The following GRM3 variants were observed in gnomAD, a reference collection of about 807,000 sequenced individuals.
GRM3 encodes metabotropic glutamate receptor 3.
In GRM3, 26 loss-of-function variants were observed where a neutral mutation model predicts 70.5. The ratio of observed to expected loss-of-function variants is 0.37; its 90% CI spans 0.27 to 0.51. The LOEUF is 0.51. Ranked by LOEUF, GRM3 falls within the 20% of genes least tolerant of loss-of-function variation. The pLI, the probability that GRM3 is intolerant of heterozygous loss-of-function variation, is 0.93. For synonymous variants in GRM3, 443 were observed against 434.9 expected (o/e 1.02, Z -0.23); for missense variants, 859 against 1,123.8 (o/e 0.76, Z 3.37).
At chr7:86,851,668 C>T (rs1205149585) in intron 5 of GRM3, among the ~76,000 whole-genome samples, 1 of 152,076 alleles carries the variant, frequency 6.6e-6, no homozygotes, top group Non-Finnish European at 1.5e-5. Flanking sequence ...GGCAGCCCTT[C>T]CCCCAGGAAA....
intron 1 of GRM3, among the ~76,000 whole-genome samples, chr7:86,759,780 G>T: frequency 6.6e-6 from 1 of 152,114 alleles, no homozygotes; most frequent in Admixed American, 6.6e-5. Flanking sequence ...TACTAAAAAT[G>T]ATTGGGTTTG....
chr7:86,811,934 T>C (rs1194761597), intron 3 of GRM3, among the ~76,000 whole-genome samples: 1 of 151,462 alleles, frequency 6.6e-6, no homozygotes, highest in Non-Finnish European at 1.5e-5. Flanking sequence ...AATAGATTTA[T>C]AATTATCTGT....
At chr7:86,802,854 G>C (rs1797712384) in intron 3 of GRM3, among the ~76,000 whole-genome samples, 1 of 152,208 alleles carries the variant, frequency 6.6e-6, no homozygotes. Flanking sequence ...TGTTATTAAG[G>C]GGTGGTAGTA....
At chr7:86,675,339 TAA>T (rs998553973) in intron 1 of GRM3, among the ~76,000 whole-genome samples, 77 of 152,228 alleles carry the variant, frequency 5.1e-4, no homozygotes, top group African/African-American at 1.8e-3. Context: ...GCTTAAGTTA[TAA>T]GTCTTTAAGG....
chr7:86,714,337 A>G (rs1795268273), intron 1 of GRM3, among the ~76,000 whole-genome samples: 1 of 152,000 alleles, frequency 6.6e-6, no homozygotes, highest in South Asian at 2.1e-4. Context: ...TGCCTTAGTC[A>G]CTACTTTAAC....
At chr7:86,754,223 A>T (rs984028277) in intron 1 of GRM3, among the ~76,000 whole-genome samples, 7 of 152,114 alleles carry the variant, frequency 4.6e-5, no homozygotes, top group African/African-American at 1.7e-4. Flanking sequence ...GAAGAACATC[A>T]GTTAGGCCTT....
chr7:86,817,874 C>G (rs1798046565), intron 3 of GRM3, among the ~76,000 whole-genome samples: 1 of 151,984 alleles, frequency 6.6e-6, no homozygotes. Flanking sequence ...GCAACTTATA[C>G]CACAAAAGCA....
intron 1 of GRM3, among the ~76,000 whole-genome samples, chr7:86,734,574 T>G (rs1269537302): frequency 1.3e-5 from 2 of 152,220 alleles, no homozygotes; most frequent in Non-Finnish European, 2.9e-5. Flanking sequence ...TATCCTCATA[T>G]TCCCATAAAT....
chr7:86,647,991 GTTAC>G (rs1793516781), intron 1 of GRM3, among the ~76,000 whole-genome samples: 1 of 152,054 alleles, frequency 6.6e-6, no homozygotes, highest in Non-Finnish European at 1.5e-5. Context: ...ATTTTATCTT[GTTAC>G]TTAATTCCTA....
intron 1 of GRM3, among the ~76,000 whole-genome samples, chr7:86,669,226 A>G (rs879264847): frequency 3.9e-5 from 6 of 151,928 alleles, no homozygotes; most frequent in Admixed American, 3.9e-4. Context: ...ACCTCACCCC[A>G]CTCCAATTAA....
chr7:86,733,812 G>C (rs1002588929), intron 1 of GRM3, among the ~76,000 whole-genome samples: 7 of 152,120 alleles, frequency 4.6e-5, no homozygotes, highest in African/African-American at 1.7e-4. Context: ...CAACAGCCTG[G>C]GCACAGGCCA....
chr7:86,701,358 T>A (rs1468461336), intron 1 of GRM3, among the ~76,000 whole-genome samples: 1 of 151,846 alleles, frequency 6.6e-6, no homozygotes, highest in Non-Finnish European at 1.5e-5. Context: ...AATCCTAATA[T>A]TACAGGTAAA....
chr7:86,700,253 G>A (rs1794918936), intron 1 of GRM3, among the ~76,000 whole-genome samples: 1 of 151,934 alleles, frequency 6.6e-6, no homozygotes, highest in Non-Finnish European at 1.5e-5. Context: ...TAAACAGGAA[G>A]CCAATTCATA....
intron 1 of GRM3, among the ~76,000 whole-genome samples, chr7:86,724,292 G>A (rs1795541347): frequency 6.6e-6 from 1 of 152,064 alleles, no homozygotes; most frequent in Admixed American, 6.6e-5. Context: ...TTCTTCCTGA[G>A]GATTGTTCAA....
Position 86,761,184 on chromosome 7 carries a change from CATAGCCT to C in GRM3, c.-140-3820_-140-3814del, listed in dbSNP as rs1416519364. Among the ~76,000 whole-genome samples the C allele has an allele frequency of 2.0e-5, 3 of 152,116 alleles. No individual in the cohort carries two copies. The East Asian group carries it at 5.8e-4, about 29-fold the overall frequency. On this transcript the variant is annotated intron_variant, in intron 1 of 5. Transcript: ENST00000361669. ...AAGTATATATCCTGGGTATCCAACC[CATAGCCT>C]AGTGCACACATAGTGGGTGTTCAAT...
At chr7:86,660,208 C>G (rs1170144825) in intron 1 of GRM3, among the ~76,000 whole-genome samples, 3 of 152,018 alleles carry the variant, frequency 2.0e-5, no homozygotes, top group African/African-American at 4.8e-5. Flanking sequence ...TGAAACTGAC[C>G]TTAAATCCCT....
Position 86,735,680 on chromosome 7 carries a change from C to T in GRM3, c.-140-29326C>T, listed in dbSNP as rs376046500. On this transcript the variant is annotated intron_variant, in intron 1 of 5. Coordinates refer to ENST00000361669, the MANE Select transcript of GRM3 (RefSeq NM_000840.3). Reference sequence around the variant, plus strand: ...AAGGAGCTACTAGTTCATACAACTACGAGTGGATGAAGGATCAAATAAAGC... The same window carrying T: ...AAGGAGCTACTAGTTCATACAACTATGAGTGGATGAAGGATCAAATAAAGC... Among the ~76,000 whole-genome samples, 8 of 152,218 alleles carry T rather than the reference C, an allele frequency of 5.3e-5. No homozygotes were observed. The East Asian group carries it at 7.7e-4, about 15-fold the overall frequency.
chr7:86,735,159 C>T (rs765453090), intron 1 of GRM3, among the ~76,000 whole-genome samples: 68 of 152,116 alleles, frequency 4.5e-4, no homozygotes, highest in Admixed American at 1.3e-4. Flanking sequence ...TGGGAAAGAG[C>T]GACTAGATGT....
At chr7:86,710,986 C>G (rs920546584) in intron 1 of GRM3, among the ~76,000 whole-genome samples, 3 of 152,032 alleles carry the variant, frequency 2.0e-5, no homozygotes, top group Admixed American at 6.6e-5. Flanking sequence ...ATTATTCATG[C>G]TTTGAACCAC....
Sources: gnomAD v4.1 joint callset for allele counts (sites outside exome capture counted in the v4.1 genomes callset) on GRCh38, gnomAD v4.1.1 for gene constraint, MANE v1.5 for transcripts, NCBI Gene and HGNC (gene_info 2026-07-23, HGNC 2026-07-21) for gene names.